The following ARID4B variants were observed in gnomAD, a reference collection of about 807,000 sequenced individuals.
ARID4B encodes AT-rich interaction domain 4B, also known as AT-rich interactive domain-containing protein 4B.
ARID4B carries 26 observed loss-of-function variants against 147.5 expected under a neutral mutation model. The ratio of observed to expected loss-of-function variants is 0.18; its 90% CI spans 0.13 to 0.24. The LOEUF is 0.24. ARID4B is among the 10% of genes least tolerant of loss of function. The pLI is 1.00. For missense variants in ARID4B, 1,179 were observed against 1,511.5 expected (o/e 0.78, Z 3.65); for synonymous variants, 512 against 507.9 (o/e 1.01, Z -0.11).
At chr1:235,270,594 T>C (rs1481445184) in intron 2 of ARID4B, among the ~76,000 whole-genome samples, 2 of 152,200 alleles carry the variant, frequency 1.3e-5, no homozygotes, top group Non-Finnish European at 1.5e-5. Context: ...CAAAGAAATA[T>C]TCTAACTAGA....
At chr1:235,237,616 G>C (rs1231517902) in intron 8 of ARID4B, among the ~76,000 whole-genome samples, 1 of 152,088 alleles carries the variant, frequency 6.6e-6, no homozygotes, top group Admixed American at 6.6e-5. Flanking sequence ...TAAAAACAAA[G>C]GTAGTTCTAT....
intron 17 of ARID4B, among the ~76,000 whole-genome samples, chr1:235,213,462 T>C (rs934316786): frequency 2.6e-5 from 4 of 152,186 alleles, no homozygotes; most frequent in South Asian, 2.1e-4. Flanking sequence ...AGCCTGATAA[T>C]TGGTTTGTAG....
At chr1:235,294,733 T>A (rs930541553) in intron 2 of ARID4B, among the ~76,000 whole-genome samples, 45 of 151,508 alleles carry the variant, frequency 3.0e-4, no homozygotes, top group Non-Finnish European at 2.1e-4. Context: ...AGGCTGGTCT[T>A]GAACTCCTGA....
chr1:235,173,791 T>TATATATATATATGTATACCTAAAAC (rs1553279102), intron 22 of ARID4B, among the ~76,000 whole-genome samples: 12 of 67,744 alleles, frequency 1.8e-4, no homozygotes, highest in Admixed American at 3.9e-4. Context: ...TATATATATA[T>TATATATATATATGTATACCTAAAAC]ATATATATAT....
intron 2 of ARID4B, among the ~76,000 whole-genome samples, chr1:235,276,915 G>A (rs1040656291): frequency 2.0e-5 from 3 of 150,800 alleles, no homozygotes; most frequent in African/African-American, 7.3e-5. Context: ...CAGGAGAATC[G>A]CTTGAACCCG....
chr1:235,280,435 A>G (rs1472725134), intron 2 of ARID4B, among the ~76,000 whole-genome samples: 1 of 152,254 alleles, frequency 6.6e-6, no homozygotes, highest in African/African-American at 2.4e-5. Context: ...GCTATTTGAC[A>G]AACAAAATTG....
intron 2 of ARID4B, among the ~76,000 whole-genome samples, chr1:235,292,595 G>C (rs1249084689): frequency 6.8e-6 from 1 of 146,044 alleles, no homozygotes; most frequent in Non-Finnish European, 1.5e-5. Flanking sequence ...CAGCCTGAGG[G>C]ACAGGGTGAG....
chr1:235,252,345 A>G (rs1572081600), intron 6 of ARID4B, among the ~76,000 whole-genome samples: 1 of 152,190 alleles, frequency 6.6e-6, no homozygotes, highest in Non-Finnish European at 1.5e-5. Flanking sequence ...AATATCAGCT[A>G]ATAGCAGTAG....
chr1:235,217,379 A>G (rs1321778202), intron 16 of ARID4B, among the ~76,000 whole-genome samples: 1 of 145,312 alleles, frequency 6.9e-6, no homozygotes, highest in African/African-American at 2.6e-5. Context: ...CATACAGGTT[A>G]AAAAAAATTA....
At chr1:235,306,509 A>AC (rs1673575717) in intron 2 of ARID4B, among the ~76,000 whole-genome samples, 1 of 151,912 alleles carries the variant, frequency 6.6e-6, no homozygotes, top group South Asian at 2.1e-4. Context: ...TCTCAAAAAA[A>AC]AAAAAAATTG....
chr1:235,255,224 T>TATATATAG (rs781576500), intron 5 of ARID4B, among the ~76,000 whole-genome samples: 3 of 100,906 alleles, frequency 3.0e-5, no homozygotes, highest in Non-Finnish European at 6.4e-5. Flanking sequence ...GGGAGCTAGA[T>TATATATAG]AGATAGATAG....
At chr1:235,276,126 A>G (rs1671296088) in intron 2 of ARID4B, among the ~76,000 whole-genome samples, 1 of 151,542 alleles carries the variant, frequency 6.6e-6, no homozygotes, top group African/African-American at 2.4e-5. Flanking sequence ...TGACAGACAG[A>G]GACTTTCAAA....
intron 2 of ARID4B, among the ~76,000 whole-genome samples, chr1:235,268,844 G>A (rs372943140): frequency 9.2e-4 from 140 of 152,262 alleles, no homozygotes; most frequent in African/African-American, 3.2e-3. Flanking sequence ...TGATTTCAAG[G>A]TTGGACAGAG....
chr1:235,209,957 T>C (rs779315423), intron 17 of ARID4B, among the ~76,000 whole-genome samples: 4 of 152,120 alleles, frequency 2.6e-5, no homozygotes, highest in East Asian at 1.9e-4. Flanking sequence ...GCCAGGAGCA[T>C]TGGTTCATGT....
chr1:235,193,619 T>C (rs1665277618), intron 19 of ARID4B, among the ~76,000 whole-genome samples: 1 of 152,210 alleles, frequency 6.6e-6, no homozygotes, highest in Non-Finnish European at 1.5e-5. Flanking sequence ...TTGGATCTAC[T>C]AGTAATAAAA....
chr1:235,262,078 T>C (rs906832780), intron 2 of ARID4B, among the ~76,000 whole-genome samples: 6 of 152,216 alleles, frequency 3.9e-5, no homozygotes, highest in Admixed American at 1.3e-4. Flanking sequence ...CTTTCTTTTC[T>C]ATTGACATCT....
intron 17 of ARID4B, among the ~76,000 whole-genome samples, chr1:235,202,894 T>C (rs943494823): frequency 1.3e-5 from 2 of 152,222 alleles, no homozygotes; most frequent in East Asian, 1.9e-4. Flanking sequence ...TAAGTACACA[T>C]GTGGACGTAT....
chr1:235,286,560 A>C (rs1671987604), intron 2 of ARID4B, among the ~76,000 whole-genome samples: 1 of 152,232 alleles, frequency 6.6e-6, no homozygotes, highest in Non-Finnish European at 1.5e-5. Flanking sequence ...CTGAAGGATG[A>C]CTGGTAATCT....
At chr1:235,308,994 G>A (rs1183360562) in intron 2 of ARID4B, among the ~76,000 whole-genome samples, 2 of 150,700 alleles carry the variant, frequency 1.3e-5, no homozygotes, top group Admixed American at 6.6e-5. Context: ...AGTGACGAGC[G>A]TCTCTGCCCG....
Sources: allele counts gnomAD v4.1 joint callset (sites outside exome capture counted in the v4.1 genomes callset), GRCh38; gene constraint gnomAD v4.1.1; transcripts MANE v1.5; gene names NCBI Gene and HGNC (gene_info 2026-07-23, HGNC 2026-07-21).